The following GABRA3 variants were observed in gnomAD, a reference collection of about 807,000 sequenced individuals.
GABRA3 encodes the protein gamma-aminobutyric acid type A receptor subunit alpha3.
A neutral mutation model predicts 30.1 loss-of-function variants in GABRA3; 10 were observed. The ratio of observed to expected loss-of-function variants is 0.33; its 90% confidence interval spans 0.20 to 0.56. The LOEUF is 0.56. Ranked by LOEUF, GABRA3 falls within the 20% of genes least tolerant of loss-of-function variation. GABRA3 has a pLI of 0.89. For synonymous variants in GABRA3, 151 were observed against 146.8 expected, an observed-to-expected ratio of 1.03 and a Z score of -0.21; for missense variants, 233 against 392.0, an observed-to-expected ratio of 0.59 and a Z score of 3.42.
intron 1 of GABRA3, among the ~76,000 whole-genome samples, chrX:152,393,178 G>A (rs1029539017): frequency 1.3e-4 from 15 of 111,984 alleles, no homozygotes; most frequent in Admixed American, 3.8e-4. Context: ...ATGATTAAAC[G>A]GGTGAAGTTA....
At chrX:152,450,092 T>A (rs60382148) in intron 1 of GABRA3, among the ~76,000 whole-genome samples, 8,569 of 110,978 alleles carry the variant, frequency 0.077, 622 homozygotes, top group African/African-American at 0.23. Context: ...CTACCAGTTC[T>A]GAAGGGCTAT....
At chrX:152,194,275 C>G (rs1260379163) in intron 8 of GABRA3, among the ~76,000 whole-genome samples, 1 of 111,564 alleles carries the variant, frequency 9.0e-6, no homozygotes, top group East Asian at 2.8e-4. Flanking sequence ...TGTTAAGGAT[C>G]CTTTTACATG....
intron 2 of GABRA3, among the ~76,000 whole-genome samples, chrX:152,355,746 A>T (rs1185314729): frequency 8.9e-6 from 1 of 112,013 alleles, no homozygotes; most frequent in Non-Finnish European, 1.9e-5. Context: ...AATTGCTGAT[A>T]TTCAATCGTT....
chrX:152,240,944 C>T (rs1938349604), intron 5 of GABRA3, among the ~76,000 whole-genome samples: 1 of 97,267 alleles, frequency 1.0e-5, no homozygotes, highest in African/African-American at 3.8e-5. Flanking sequence ...GTTTGAATGT[C>T]CTCCCGTAGC....
chrX:152,199,095 G>C (rs1229962560), intron 7 of GABRA3, among the ~76,000 whole-genome samples: 2 of 111,223 alleles, frequency 1.8e-5, no homozygotes, highest in Non-Finnish European at 3.8e-5. Context: ...GGGTGCGGTG[G>C]CTCAAGCCTG....
intron 5 of GABRA3, among the ~76,000 whole-genome samples, chrX:152,240,787 C>T (rs1421658731): frequency 5.0e-5 from 5 of 99,279 alleles, no homozygotes; most frequent in African/African-American, 8.0e-5. Flanking sequence ...TTGATCGCAT[C>T]GGCTCCTGAG....
intron 4 of GABRA3, among the ~76,000 whole-genome samples, chrX:152,265,955 C>T (rs1183929340): frequency 9.0e-6 from 1 of 110,968 alleles, no homozygotes; most frequent in Non-Finnish European, 1.9e-5. Flanking sequence ...CAAACCTGAA[C>T]AGACCAATAA....
intron 5 of GABRA3, among the ~76,000 whole-genome samples, chrX:152,254,725 T>A (rs1006029609): frequency 1.3e-4 from 14 of 111,719 alleles, no homozygotes; most frequent in Admixed American, 8.6e-4. Context: ...ACAAACACAC[T>A]TCATTTATTC....
intron 3 of GABRA3, among the ~76,000 whole-genome samples, chrX:152,286,398 A>G (rs1185317649): frequency 1.8e-5 from 2 of 110,083 alleles, no homozygotes; most frequent in Non-Finnish European, 3.8e-5. Flanking sequence ...TCAAGATTAC[A>G]GTAAACCAAA....
At chrX:152,447,752 G>A (rs1931123331) in intron 1 of GABRA3, among the ~76,000 whole-genome samples, 1 of 112,258 alleles carries the variant, frequency 8.9e-6, no homozygotes, top group African/African-American at 3.2e-5. Flanking sequence ...CATTAAAGGA[G>A]ATATTTAACT....
At chrX:152,369,453 T>C (rs933177389) in intron 1 of GABRA3, among the ~76,000 whole-genome samples, 3 of 111,148 alleles carry the variant, frequency 2.7e-5, no homozygotes, top group South Asian at 3.8e-4. Context: ...TACCCTCCCG[T>C]CTCACACACT....
Position 152,256,014 on chromosome X carries a change from G to A in GABRA3, c.331-16C>T. 1 of 1,137,848 alleles carries A rather than the reference G, an allele frequency of 8.8e-7. No homozygotes were observed. The highest frequency in any genetic ancestry group is 2.4e-4 in the Middle Eastern group (1 of 4,181). The allele number at this position is 1,137,848 out of a possible 1,213,427, so 93.8% of individuals were successfully genotyped here. ...TAGTGTACTCCTAGGGGTGAAAAGAGAGAAAACAATGTTTCAGTTGAGTTC... is the reference window on the plus strand; with the variant it reads ...TAGTGTACTCCTAGGGGTGAAAAGAAAGAAAACAATGTTTCAGTTGAGTTC... On this transcript the variant is annotated splice_polypyrimidine_tract_variant and intron_variant, in intron 4 of 9. Coordinates refer to ENST00000370314, the MANE Select transcript of GABRA3 (RefSeq NM_000808.4).
At chrX:152,244,940 A>T in intron 5 of GABRA3, among the ~76,000 whole-genome samples, 1 of 111,952 alleles carries the variant, frequency 8.9e-6, no homozygotes, top group East Asian at 2.8e-4. Context: ...TAGAATACTG[A>T]TTATTTTTTA....
intron 1 of GABRA3, among the ~76,000 whole-genome samples, chrX:152,383,509 T>C: frequency 9.3e-6 from 1 of 107,449 alleles, no homozygotes; most frequent in Non-Finnish European, 1.9e-5. Context: ...TTCAATAACA[T>C]ACTGAAAGAA....
intron 5 of GABRA3, among the ~76,000 whole-genome samples, chrX:152,237,179 G>A (rs1304426186): frequency 6.3e-5 from 7 of 111,411 alleles, no homozygotes; most frequent in Non-Finnish European, 1.1e-4. Flanking sequence ...TGTCTAAGGT[G>A]TAAGGAAGGG....
chrX:152,253,224 T>C (rs1938585477), intron 5 of GABRA3, among the ~76,000 whole-genome samples: 1 of 111,751 alleles, frequency 8.9e-6, no homozygotes, highest in South Asian at 3.7e-4. Context: ...CTATACTCTT[T>C]CCTGAAGTGA....
chrX:152,356,878 A>G (rs1394812960), intron 2 of GABRA3, among the ~76,000 whole-genome samples: 1 of 111,949 alleles, frequency 8.9e-6, no homozygotes, highest in Non-Finnish European at 1.9e-5. Flanking sequence ...TTTGCTCAGG[A>G]TAATAGCCTC....
At chrX:152,257,361 C>T (rs1483492810) in intron 4 of GABRA3, among the ~76,000 whole-genome samples, 1 of 112,162 alleles carries the variant, frequency 8.9e-6, no homozygotes, top group Non-Finnish European at 1.9e-5. Flanking sequence ...CACTGAACTA[C>T]ACAAGGCACA....
chrX:152,428,390 C>T (rs1193978667), intron 1 of GABRA3, among the ~76,000 whole-genome samples: 1 of 112,129 alleles, frequency 8.9e-6, no homozygotes, highest in African/African-American at 3.2e-5. Context: ...TGAAGCTGTA[C>T]GCTAAAGAGT....
Sources: allele counts gnomAD v4.1 joint callset (sites outside exome capture counted in the v4.1 genomes callset), GRCh38; gene constraint gnomAD v4.1.1; transcripts MANE v1.5; gene names NCBI Gene and HGNC (gene_info 2026-07-23, HGNC 2026-07-21).